Variants in HTR2C observed in about 807,000 individuals in gnomAD.
HTR2C encodes 5-hydroxytryptamine (serotonin) receptor 2C, G protein-coupled.
HTR2C carries 5 observed loss-of-function variants against 21.0 expected under a neutral mutation model. The ratio of observed to expected loss-of-function variants is 0.24; its 90% CI spans 0.12 to 0.50. HTR2C has a LOEUF of 0.50. Ranked by LOEUF, HTR2C falls within the 20% of genes least tolerant of loss-of-function variation. The probability of loss-of-function intolerance (pLI) is 0.98; values close to 1 mark genes in which losing one functional copy is unlikely to be tolerated. For synonymous variants in HTR2C, 150 were observed against 145.3 expected, an observed-to-expected ratio of 1.03 and a Z score of -0.23; for missense variants, 271 against 371.2, an observed-to-expected ratio of 0.73 and a Z score of 2.22.
At chrX:114,616,789 G>C (rs782039787) in intron 2 of HTR2C, among the ~76,000 whole-genome samples, 1 of 111,734 alleles carries the variant, frequency 8.9e-6, no homozygotes, top group South Asian at 3.7e-4. Flanking sequence ...TTGGACAACT[G>C]TGCTCCTCCT....
At chrX:114,830,967 G>A (rs1204581592) in intron 4 of HTR2C, among the ~76,000 whole-genome samples, 4 of 80,950 alleles carry the variant, frequency 4.9e-5, no homozygotes, top group Non-Finnish European at 4.8e-5. Context: ...TTGTTCTCGC[G>A]ATAGTTTACT....
chrX:114,745,441 C>A (rs1602741399), intron 4 of HTR2C, among the ~76,000 whole-genome samples: 1 of 111,936 alleles, frequency 8.9e-6, no homozygotes, highest in East Asian at 2.8e-4. Context: ...ATCTAGCAAT[C>A]CCACTGCTGG....
intron 4 of HTR2C, among the ~76,000 whole-genome samples, chrX:114,820,724 C>T (rs1400935223): frequency 4.5e-5 from 5 of 110,692 alleles, no homozygotes; most frequent in Admixed American, 3.9e-4. Flanking sequence ...CTTGCTGCTG[C>T]CATGTAAGAA....
At chrX:114,762,154 T>A (rs1361038218) in intron 4 of HTR2C, among the ~76,000 whole-genome samples, 1 of 109,731 alleles carries the variant, frequency 9.1e-6, no homozygotes, top group Admixed American at 9.9e-5. Flanking sequence ...TTTGTAATTT[T>A]GTCTTCATTT....
chrX:114,823,435 G>T, intron 4 of HTR2C: 1 of 343,503 alleles, frequency 2.9e-6, no homozygotes, highest in Non-Finnish European at 5.9e-6. Context: ...TCATGGTGCA[G>T]CAGTTCATCT....
intron 5 of HTR2C, among the ~76,000 whole-genome samples, chrX:114,874,335 T>TCAA (rs2071115443): frequency 9.0e-6 from 1 of 111,476 alleles, no homozygotes; most frequent in South Asian, 3.7e-4. Context: ...GGTAGTTCTG[T>TCAA]TTTTAAGTTT....
At chrX:114,775,196 A>G in intron 4 of HTR2C, 2 of 521,172 alleles carry the variant, frequency 3.8e-6, no homozygotes, top group Non-Finnish European at 7.0e-6. Flanking sequence ...TCAGCTTTGT[A>G]CTTCTCAGCT....
chrX:114,617,222 T>C (rs1366036291), intron 2 of HTR2C, among the ~76,000 whole-genome samples: 2 of 112,013 alleles, frequency 1.8e-5, no homozygotes, highest in African/African-American at 6.5e-5. Context: ...GAGGATCACT[T>C]GAGCCCAGGA....
chrX:114,634,326 G>A (rs1305082702), intron 2 of HTR2C, among the ~76,000 whole-genome samples: 1 of 110,615 alleles, frequency 9.0e-6, no homozygotes, highest in East Asian at 2.8e-4. Flanking sequence ...TAAAACTGGA[G>A]CAACAAACAT....
intron 2 of HTR2C, among the ~76,000 whole-genome samples, chrX:114,692,479 C>T (rs1190021239): frequency 9.0e-6 from 1 of 111,297 alleles, no homozygotes; most frequent in East Asian, 2.8e-4. Flanking sequence ...TTTAAGTATT[C>T]ATTGTAAGAT....
At chrX:114,871,180 A>G (rs1243441621) in intron 5 of HTR2C, among the ~76,000 whole-genome samples, 5 of 111,064 alleles carry the variant, frequency 4.5e-5, no homozygotes, top group Non-Finnish European at 9.4e-5. Context: ...TTTTTTATTG[A>G]CCCACTGGTC....
chrX:114,902,862 C>T (rs1169855950), intron 5 of HTR2C, among the ~76,000 whole-genome samples: 1 of 111,808 alleles, frequency 8.9e-6, no homozygotes, highest in Non-Finnish European at 1.9e-5. Flanking sequence ...CTGCCCACCT[C>T]GGCCTTCCAA....
intron 2 of HTR2C, among the ~76,000 whole-genome samples, chrX:114,698,239 C>T (rs182732524): frequency 8.9e-6 from 1 of 112,321 alleles, no homozygotes; most frequent in Non-Finnish European, 1.9e-5. Flanking sequence ...AATAACTCCA[C>T]TTGGATAAGT....
chrX:114,588,994 G>C (rs1927522360), intron 1 of HTR2C, among the ~76,000 whole-genome samples: 1 of 111,996 alleles, frequency 8.9e-6, no homozygotes, highest in Non-Finnish European at 1.9e-5. Flanking sequence ...GGCATACAAA[G>C]AGGTTAATCT....
chrX:114,789,013 TA>T (rs2070205489), intron 4 of HTR2C, among the ~76,000 whole-genome samples: 1 of 111,996 alleles, frequency 8.9e-6, no homozygotes, highest in African/African-American at 3.2e-5. Flanking sequence ...TACTTTAACT[TA>T]AGTTTGGCAT....
At chrX:114,860,249 CT>C (rs1274667439) in intron 5 of HTR2C, among the ~76,000 whole-genome samples, 2 of 111,090 alleles carry the variant, frequency 1.8e-5, no homozygotes, top group Admixed American at 1.9e-4. Flanking sequence ...TCTATCTCTC[CT>C]TTTAGTTTTT....
intron 1 of HTR2C, among the ~76,000 whole-genome samples, chrX:114,608,771 A>C (rs1339838911): frequency 8.9e-6 from 1 of 111,999 alleles, no homozygotes; most frequent in Non-Finnish European, 1.9e-5. Context: ...ATTGATTCAG[A>C]AAAACTAAGT....
At position 114,584,308 on chromosome X, in the gene HTR2C, T is replaced by G. The variant is rs913322687; in HGVS notation, c.-498T>G. 8.9e-6 allele frequency: 1 copy of G among 112,859 alleles called. No individual in the cohort carries two copies. Among genetic ancestry groups the G allele is most frequent in the Non-Finnish European group, 1.9e-5 (1 of 53,340 alleles). 9.3% of individuals were successfully genotyped at this position (112,859 alleles called of 1,213,427 possible). On this transcript the variant is annotated 5_prime_UTR_variant, in exon 1 of 6. An upstream open reading frame in the 5' UTR gains an earlier in-frame stop. Transcript: ENST00000276198. ...GCTCGTGTGATGGCCTTCGTCCGTTTAGAGTAGTGTAGTTAGTTAGGGGCC... is the reference window on the plus strand; with the variant it reads ...GCTCGTGTGATGGCCTTCGTCCGTTGAGAGTAGTGTAGTTAGTTAGGGGCC...
chrX:114,700,824 A>G (rs2147307998), intron 2 of HTR2C, among the ~76,000 whole-genome samples: 1 of 112,438 alleles, frequency 8.9e-6, no homozygotes, highest in East Asian at 2.8e-4. Flanking sequence ...GGGGTGACAG[A>G]CGGCACCTGG....
Sources: allele counts gnomAD v4.1 joint callset (sites outside exome capture counted in the v4.1 genomes callset), GRCh38; gene constraint gnomAD v4.1.1; transcripts MANE v1.5; gene names NCBI Gene and HGNC (gene_info 2026-07-23, HGNC 2026-07-21).